The following DAB1 variants were observed in gnomAD, a reference collection of about 807,000 sequenced individuals.
DAB1 encodes DAB adaptor protein 1.
DAB1 carries 15 observed loss-of-function variants against 64.6 expected under a neutral mutation model. The observed-to-expected ratio is 0.23, with a 90% CI of 0.16 to 0.36. The LOEUF (loss-of-function observed/expected upper bound fraction) is 0.36, where lower values mean the gene tolerates loss of function less well. DAB1 is among the 10% of genes least tolerant of loss of function. DAB1 has a pLI of 1.00. For missense variants in DAB1, 596 were observed against 706.7 expected (o/e 0.84, Z 1.78); for synonymous variants, 235 against 251.9 (o/e 0.93, Z 0.64).
chr1:57,150,028 G>C (rs565616766), intron 2 of DAB1, among the ~76,000 whole-genome samples: 21 of 152,206 alleles, frequency 1.4e-4, no homozygotes, highest in African/African-American at 2.6e-4. Context: ...CTCCCACTGA[G>C]AGACAATAGG....
intron 2 of DAB1, among the ~76,000 whole-genome samples, chr1:57,194,019 G>A (rs1303550391): frequency 6.6e-6 from 1 of 152,194 alleles, no homozygotes; most frequent in African/African-American, 2.4e-5. Context: ...GGCAGTGCTG[G>A]GCACCTGAGA....
intron 2 of DAB1, among the ~76,000 whole-genome samples, chr1:57,237,389 A>G (rs1251827988): frequency 6.6e-6 from 1 of 152,216 alleles, no homozygotes; most frequent in East Asian, 1.9e-4. Context: ...TAAGCCAGAT[A>G]GGAAAATAAA....
chr1:57,041,557 T>C (rs61169655), intron 9 of DAB1, among the ~76,000 whole-genome samples: 2,510 of 152,300 alleles, frequency 0.016, 58 homozygotes, highest in African/African-American at 0.057. Context: ...GGAATTAGAC[T>C]CGATTACTAT....
intron 4 of DAB1, among the ~76,000 whole-genome samples, chr1:58,340,505 C>T (rs1172364693): frequency 6.6e-6 from 1 of 152,170 alleles, no homozygotes; most frequent in Admixed American, 6.5e-5. Flanking sequence ...AACAGTAATA[C>T]AGTAAGAGCC....
intron 6 of DAB1, among the ~76,000 whole-genome samples, chr1:57,746,902 T>G (rs1221972697): frequency 6.6e-6 from 1 of 152,196 alleles, no homozygotes; most frequent in Non-Finnish European, 1.5e-5. Flanking sequence ...GATTTAATGT[T>G]TCTCTGTGTA....
chr1:58,233,497 T>G (rs1659880517), intron 4 of DAB1, among the ~76,000 whole-genome samples: 1 of 152,178 alleles, frequency 6.6e-6, no homozygotes, highest in Non-Finnish European at 1.5e-5. Flanking sequence ...CTGCCTGCAG[T>G]GCGAGGAGCT....
chr1:57,512,622 C>T (rs1164196103), intron 7 of DAB1, among the ~76,000 whole-genome samples: 2 of 152,208 alleles, frequency 1.3e-5, no homozygotes, highest in African/African-American at 4.8e-5. Flanking sequence ...CCGGTGTTTG[C>T]TCATGTCCCT....
chr1:57,875,531 C>T lies in DAB1; in HGVS notation n.87+8468G>A, dbSNP rs150034313. Reference sequence around the variant, plus strand: ...GCTTCCGTTATACCTGCACTTCCTGCTAATGAAACATACTGCTCTGGGACA... The same window carrying T: ...GCTTCCGTTATACCTGCACTTCCTGTTAATGAAACATACTGCTCTGGGACA... On this transcript the variant is annotated intron_variant and non_coding_transcript_variant, in intron 1 of 1. Transcript: ENST00000477280. Among the ~76,000 whole-genome samples the T allele has an allele frequency of 7.2e-5, 11 of 152,268 alleles. 1 individual carries two copies. Among genetic ancestry groups the T allele is most frequent in the African/African-American group, 2.6e-4 (11 of 41,570 alleles).
Position 58,531,666 on chromosome 1 carries a change from CTTTGCCTCAAAACACAAATGTGTGT to C in DAB1, n.33-4356_33-4332del, listed in dbSNP as rs536930589. On this transcript the variant is annotated intron_variant and non_coding_transcript_variant, in intron 1 of 20. Transcript: ENST00000485760. Reference sequence around the variant, plus strand: ...TTACCTCCTTATATTTGCCTCATTACTTTGCCTCAAAACACAAATGTGTGTTTTGAAAAACAATTATGGATTTATC... The same window carrying C: ...TTACCTCCTTATATTTGCCTCATTACTTTGAAAAACAATTATGGATTTATC... Among the ~76,000 whole-genome samples the C allele has an allele frequency of 6.6e-5, 10 of 152,082 alleles. No homozygotes were observed. The South Asian group carries it at 1.0e-3, about 16-fold the overall frequency.
At chr1:57,373,139 T>C (rs1557222) in intron 1 of DAB1, among the ~76,000 whole-genome samples, 81,544 of 152,084 alleles carry the variant, frequency 0.54, 22,785 homozygotes, top group African/African-American at 0.63. Flanking sequence ...GAGCTGTGCT[T>C]GTGACACTGT....
chr1:57,572,503 G>C (rs1313042311), intron 7 of DAB1, among the ~76,000 whole-genome samples: 1 of 152,124 alleles, frequency 6.6e-6, no homozygotes, highest in Non-Finnish European at 1.5e-5. Context: ...GCAAGTTACA[G>C]CTTCTCTGTG....
At chr1:57,326,742 CTCTT>C (rs1439220934) in intron 1 of DAB1, among the ~76,000 whole-genome samples, 1 of 152,114 alleles carries the variant, frequency 6.6e-6, no homozygotes, top group Non-Finnish European at 1.5e-5. Context: ...GCTCCAGTCT[CTCTT>C]TCTTTTCTTA....
chr1:57,148,749 T>C (rs1161956332), intron 2 of DAB1, among the ~76,000 whole-genome samples: 2 of 152,254 alleles, frequency 1.3e-5, no homozygotes, highest in Non-Finnish European at 2.9e-5. Flanking sequence ...TCACATTTGC[T>C]CTTGAGTTAG....
chr1:58,125,955 G>A (rs1053246020), intron 5 of DAB1, among the ~76,000 whole-genome samples: 2 of 152,100 alleles, frequency 1.3e-5, no homozygotes, highest in African/African-American at 4.8e-5. Context: ...GCCCCAGGAG[G>A]AAGGAGAAGG....
chr1:58,340,801 C>T (rs1643922749), intron 4 of DAB1, among the ~76,000 whole-genome samples: 1 of 152,162 alleles, frequency 6.6e-6, no homozygotes, highest in African/African-American at 2.4e-5. Context: ...CACTTTATCC[C>T]AAGGCTTAGA....
At chr1:57,927,794 A>C (rs927550925) in intron 5 of DAB1, among the ~76,000 whole-genome samples, 1 of 152,196 alleles carries the variant, frequency 6.6e-6, no homozygotes, top group Non-Finnish European at 1.5e-5. Context: ...AAGGCTACTA[A>C]TTGTTTAAGG....
At position 57,206,951 on chromosome 1, in the gene DAB1, CTT is replaced by C. The variant is rs1394944227; in HGVS notation, c.68-61524_68-61523del. 1.9e-3 allele frequency among the ~76,000 whole-genome samples: 239 copies of C among 127,744 alleles called. 1 individual carries two copies. Among genetic ancestry groups the C allele is most frequent in the South Asian group, 6.5e-3 (26 of 4,016 alleles). 83.8% of individuals were successfully genotyped at this position (127,744 alleles called of 152,430 possible). ...TCTTTTCTTCTTTCTTTCTCTTTCT[CTT>C]TCTTTCCTTCCTTCCTTTTTTTTTT... is the stretch of plus-strand genomic sequence containing the variant. On this transcript the variant is annotated intron_variant, in intron 2 of 14. Coordinates refer to ENST00000371236, the MANE Select transcript of DAB1 (RefSeq NM_001365792.1).
chr1:58,392,709 A>G (rs1390298351), intron 3 of DAB1, among the ~76,000 whole-genome samples: 1 of 152,196 alleles, frequency 6.6e-6, no homozygotes, highest in Middle Eastern at 3.2e-3. Context: ...TGATTCCCAA[A>G]CCTCAGCACT....
In DAB1 at chr1:58,208,512, T is replaced by C. The variant is rs142598603; in HGVS notation, n.310-57924A>G. ...TTTATTCCTTTGTATCCTTGTAGCT[T>C]AGCTCCCACTTATAAGTGAGAACAT... is the stretch of plus-strand genomic sequence containing the variant. On this transcript the variant is annotated intron_variant and non_coding_transcript_variant, in intron 4 of 20. Coordinates refer to the DAB1 transcript ENST00000485760. Among the ~76,000 whole-genome samples, 65 of 152,282 alleles carry C rather than the reference T, an allele frequency of 4.3e-4. 1 individual carries two copies. The highest frequency in any genetic ancestry group is 1.5e-3 in the African/African-American group (62 of 41,566).
Sources: allele counts gnomAD v4.1 joint callset (sites outside exome capture counted in the v4.1 genomes callset), GRCh38; gene constraint gnomAD v4.1.1; transcripts MANE v1.5; gene names NCBI Gene and HGNC (gene_info 2026-07-23, HGNC 2026-07-21).